MSI2: variants seen among roughly 807,000 people sequenced by gnomAD.
The protein encoded by MSI2 is musashi RNA binding protein 2.
Under a neutral mutation model 45.6 loss-of-function variants are expected in MSI2, and 17 were observed. That is an observed-to-expected ratio of 0.37 (90% CI 0.26 to 0.56). The LOEUF is 0.56. MSI2 is among the 20% of genes least tolerant of loss of function. The pLI is 0.77. For missense variants in MSI2, 293 were observed against 444.2 expected, an observed-to-expected ratio of 0.66 and a Z score of 3.06; for synonymous variants, 156 against 158.2, an observed-to-expected ratio of 0.99 and a Z score of 0.11.
chr17:57,421,824 T>C (rs2084402232), intron 6 of MSI2, among the ~76,000 whole-genome samples: 1 of 152,146 alleles, frequency 6.6e-6, no homozygotes, highest in Non-Finnish European at 1.5e-5. Context: ...ACCACTGCAC[T>C]CCAGCCTGGG....
At chr17:57,366,481 TGA>T (rs1310076516) in intron 5 of MSI2, among the ~76,000 whole-genome samples, 1 of 152,142 alleles carries the variant, frequency 6.6e-6, no homozygotes, top group Non-Finnish European at 1.5e-5. Context: ...AAAGAAGAAA[TGA>T]GAGACAACCC....
intron 10 of MSI2, among the ~76,000 whole-genome samples, chr17:57,635,551 C>T (rs1357695517): frequency 6.6e-6 from 1 of 152,284 alleles, no homozygotes; most frequent in East Asian, 1.9e-4. Flanking sequence ...ACAGTAGCCT[C>T]AGCCACAGAG....
At chr17:57,455,224 T>C (rs934078422) in intron 6 of MSI2, among the ~76,000 whole-genome samples, 7 of 152,122 alleles carry the variant, frequency 4.6e-5, no homozygotes, top group Non-Finnish European at 1.0e-4. Flanking sequence ...ACGGTCTCTC[T>C]CTGTGGTAAC....
chr17:57,641,562 G>A (rs528608168), intron 10 of MSI2, among the ~76,000 whole-genome samples: 2 of 152,248 alleles, frequency 1.3e-5, no homozygotes, highest in East Asian at 1.9e-4. Flanking sequence ...AAAAAGCATC[G>A]GAACAGGGAA....
At chr17:57,276,855 T>TCCCAAGTTTTCCC (rs1908889750) in intron 5 of MSI2, among the ~76,000 whole-genome samples, 1 of 152,068 alleles carries the variant, frequency 6.6e-6, no homozygotes, top group Non-Finnish European at 1.5e-5. Context: ...CAAGGTTTCC[T>TCCCAAGTTTTCCC]GGCTCCCAAG....
intron 6 of MSI2, among the ~76,000 whole-genome samples, chr17:57,490,002 T>C (rs578132327): frequency 6.6e-6 from 1 of 152,280 alleles, no homozygotes; most frequent in Admixed American, 6.5e-5. Context: ...ATGTCTGCTT[T>C]AAATTCTCAT....
intron 9 of MSI2, among the ~76,000 whole-genome samples, chr17:57,618,953 G>T (rs1484510565): frequency 6.6e-6 from 1 of 152,192 alleles, no homozygotes; most frequent in African/African-American, 2.4e-5. Flanking sequence ...GAGCATAAAG[G>T]CCCTACAGCA....
intron 7 of MSI2, among the ~76,000 whole-genome samples, chr17:57,570,735 A>G (rs2087854954): frequency 6.6e-6 from 1 of 152,234 alleles, no homozygotes; most frequent in South Asian, 2.1e-4. Context: ...CATGGCGCCC[A>G]CTGCAATTGC....
intron 5 of MSI2, among the ~76,000 whole-genome samples, chr17:57,346,384 G>T (rs965005776): frequency 3.3e-5 from 5 of 149,440 alleles, no homozygotes; most frequent in African/African-American, 1.2e-4. Flanking sequence ...TAATGAAGAT[G>T]TAAACCCATG....
intron 5 of MSI2, among the ~76,000 whole-genome samples, chr17:57,378,557 C>A (rs1335301438): frequency 6.6e-6 from 1 of 152,134 alleles, no homozygotes; most frequent in African/African-American, 2.4e-5. Context: ...CCACTGTGCC[C>A]GGCCAATTTT....
chr17:57,670,482 A>G (rs1443485224), intron 11 of MSI2, among the ~76,000 whole-genome samples: 3 of 152,234 alleles, frequency 2.0e-5, no homozygotes, highest in Non-Finnish European at 1.5e-5. Flanking sequence ...TAAGATCTCC[A>G]GGATAAGATT....
intron 10 of MSI2, among the ~76,000 whole-genome samples, chr17:57,633,781 A>T (rs1909617311): frequency 6.6e-6 from 1 of 152,212 alleles, no homozygotes; most frequent in South Asian, 2.1e-4. Context: ...TAACATGTGC[A>T]TGAATGTGCC....
chr17:57,449,118 C>G (rs2084950675), intron 6 of MSI2: 1 of 152,302 alleles, frequency 6.6e-6, no homozygotes, highest in Non-Finnish European at 1.5e-5. Context: ...CAGTACCCAC[C>G]CACTCACCCT....
chr17:57,367,283 A>C (rs2143937782), intron 5 of MSI2, among the ~76,000 whole-genome samples: 1 of 152,282 alleles, frequency 6.6e-6, no homozygotes, highest in Admixed American at 6.5e-5. Flanking sequence ...ATTGTGATTA[A>C]AATGTTTTTT....
At chr17:57,458,694 A>T (rs2085164504) in intron 6 of MSI2, among the ~76,000 whole-genome samples, 4 of 152,122 alleles carry the variant, frequency 2.6e-5, no homozygotes. Context: ...TCGGCCCATA[A>T]CTCAGATCAG....
intron 7 of MSI2, among the ~76,000 whole-genome samples, chr17:57,588,761 C>T (rs994315540): frequency 2.0e-5 from 3 of 152,164 alleles, no homozygotes; most frequent in Admixed American, 6.6e-5. Flanking sequence ...GATGTTCTTA[C>T]AGGGAAACAT....
intron 5 of MSI2, among the ~76,000 whole-genome samples, chr17:57,342,672 T>A (rs1005833560): frequency 1.3e-5 from 2 of 152,220 alleles, no homozygotes; most frequent in African/African-American, 4.8e-5. Flanking sequence ...GATGGTATCA[T>A]GTCTTTTTGT....
Position 57,403,640 on chromosome 17 carries a change from T to A in MSI2, c.405+2169T>A, listed in dbSNP as rs2084031607. ...TCATATTTTAGTAGCTTTTTTTTCA[T>A]ACATAGGTTCTGTGCATTATTTGTG... On this transcript the variant is annotated intron_variant, in intron 6 of 13. Transcript: ENST00000284073. Among the ~76,000 whole-genome samples, 3 of 152,222 alleles carry A rather than the reference T, an allele frequency of 2.0e-5. 1 individual carries two copies. Among genetic ancestry groups the A allele is most frequent in the African/African-American group, 7.2e-5 (3 of 41,458 alleles).
chr17:57,605,849 C>T (rs1246822630), intron 8 of MSI2, among the ~76,000 whole-genome samples: 4 of 152,240 alleles, frequency 2.6e-5, no homozygotes, highest in Non-Finnish European at 5.9e-5. Context: ...TTAGGCCCCA[C>T]GCAGGGCCTC....
Sources: gnomAD v4.1 joint callset for allele counts (sites outside exome capture counted in the v4.1 genomes callset) on GRCh38, gnomAD v4.1.1 for gene constraint, MANE v1.5 for transcripts, NCBI Gene and HGNC (gene_info 2026-07-23, HGNC 2026-07-21) for gene names.